SMC6: variants seen among roughly 807,000 people sequenced by gnomAD.
SMC6 encodes structural maintenance of chromosomes protein 6.
Under a neutral mutation model 142.2 loss-of-function variants are expected in SMC6, and 79 were observed. The ratio of observed to expected loss-of-function variants is 0.56; its 90% CI spans 0.46 to 0.67. The LOEUF is 0.67. Ranked by LOEUF, SMC6 falls within the 30% of genes least tolerant of loss-of-function variation. The pLI is 0.00. For synonymous variants in SMC6, 411 were observed against 412.4 expected (o/e 1.00, Z 0.04); for missense variants, 1,072 against 1,284.0 (o/e 0.83, Z 2.52).
At chr2:17,699,237 G>A (rs1249311072) in intron 21 of SMC6, among the ~76,000 whole-genome samples, 1 of 151,434 alleles carries the variant, frequency 6.6e-6, no homozygotes, top group East Asian at 1.9e-4. Context: ...AATATTTTTG[G>A]TGGACACAGG....
At chr2:17,734,456 G>T (rs1159018409) in intron 5 of SMC6, among the ~76,000 whole-genome samples, 1 of 152,062 alleles carries the variant, frequency 6.6e-6, no homozygotes, top group Non-Finnish European at 1.5e-5. Flanking sequence ...GAGAACCACT[G>T]AAGTATGAGG....
At chr2:17,697,542 AT>A (rs1668063272) in intron 21 of SMC6, among the ~76,000 whole-genome samples, 1 of 152,134 alleles carries the variant, frequency 6.6e-6, no homozygotes, top group Admixed American at 6.5e-5. Context: ...ACGGGCAAAG[AT>A]TTAAAAAGAC....
chr2:17,670,872 T>G (rs1045543366), intron 25 of SMC6, among the ~76,000 whole-genome samples: 5 of 152,148 alleles, frequency 3.3e-5, no homozygotes, highest in Admixed American at 1.3e-4. Context: ...AAAACAATTT[T>G]TTTTCTGAAA....
At chr2:17,722,678 T>C (rs971249803) in intron 9 of SMC6, among the ~76,000 whole-genome samples, 1 of 152,210 alleles carries the variant, frequency 6.6e-6, no homozygotes, top group Non-Finnish European at 1.5e-5. Flanking sequence ...TGTCAATTCA[T>C]GTAGTGTCGG....
Position 17,678,961 on chromosome 2 carries a change from A to G in SMC6, c.2808T>C (p.Cys936=). ...AGTATAATTTGCATCGTAAAGTCAA[A>G]CACCTTGAAATTTAAAAATTAGGCA... is the stretch of plus-strand genomic sequence containing the variant. ...RFKTYQQFRR[C]LTLRCKLYFD... is the part of the protein sequence containing the mutation. The change falls in exon 25 of 28, where the codon TGT becomes TGC. Residue 936 remains cysteine, a synonymous_variant. Transcript: ENST00000448223. The G allele has an allele frequency of 6.2e-7, 1 of 1,607,112 alleles. No individual in the cohort carries two copies. The highest frequency in any genetic ancestry group is 8.5e-7 in the Non-Finnish European group (1 of 1,176,344).
chr2:17,735,255 A>G (rs1169574756), intron 5 of SMC6, among the ~76,000 whole-genome samples: 1 of 152,176 alleles, frequency 6.6e-6, no homozygotes. Context: ...ATGAGTGAAA[A>G]GAGAGACTAT....
At chr2:17,669,282 T>C (rs1572239930) in intron 26 of SMC6, among the ~76,000 whole-genome samples, 3 of 152,170 alleles carry the variant, frequency 2.0e-5, no homozygotes, top group Admixed American at 1.3e-4. Context: ...GAATTTCAGA[T>C]ATTGGTGGTT....
chr2:17,690,002 T>C (rs953896227), intron 23 of SMC6, among the ~76,000 whole-genome samples: 1 of 152,202 alleles, frequency 6.6e-6, no homozygotes. Context: ...TCTATGGCAA[T>C]TGGATCTAGG....
chr2:17,739,736 C>A (rs1487742251), intron 4 of SMC6, among the ~76,000 whole-genome samples: 1 of 151,820 alleles, frequency 6.6e-6, no homozygotes, highest in Non-Finnish European at 1.5e-5. Context: ...TAGCTTGAGC[C>A]CAGGAGTTCA....
At chr2:17,683,113 G>C (rs1667305764) in intron 24 of SMC6, among the ~76,000 whole-genome samples, 1 of 152,034 alleles carries the variant, frequency 6.6e-6, no homozygotes, top group African/African-American at 2.4e-5. Context: ...CTGTGAGTCT[G>C]TACATCTCTG....
chr2:17,686,100 G>C (rs915739380), intron 23 of SMC6, among the ~76,000 whole-genome samples: 2 of 152,080 alleles, frequency 1.3e-5, no homozygotes, highest in East Asian at 1.9e-4. Flanking sequence ...ATTACAAAGC[G>C]TAACTATACA....
intron 23 of SMC6, among the ~76,000 whole-genome samples, chr2:17,692,244 C>T (rs1371502332): frequency 6.6e-6 from 1 of 152,164 alleles, no homozygotes; most frequent in African/African-American, 2.4e-5. Context: ...GCCCGCGTTG[C>T]CAAGTCAATC....
chr2:17,688,825 T>G (rs772285535), intron 23 of SMC6, among the ~76,000 whole-genome samples: 8 of 152,168 alleles, frequency 5.3e-5, no homozygotes, highest in Non-Finnish European at 1.2e-4. Flanking sequence ...CAAAGGCAAG[T>G]AAATAAATTA....
chr2:17,703,149 T>C lies in SMC6; in HGVS notation c.2142+8A>G. On this transcript the variant is annotated splice_region_variant and intron_variant, in intron 19 of 27. Coordinates refer to ENST00000448223, the MANE Select transcript of SMC6 (RefSeq NM_001142286.2). ...ACAAAAGAAGGTTTATTATTATTAT[T>C]TTTTTACCTTTAGTTCTTTATAATG... The C allele has an allele frequency of 7.4e-7, 1 of 1,347,002 alleles. No individual in the cohort carries two copies. The highest frequency in any genetic ancestry group is 1.0e-6 in the Non-Finnish European group (1 of 980,702). The allele number at this position is 1,347,002 out of a possible 1,614,324, so 83.4% of individuals were successfully genotyped here. A position where few individuals can be genotyped will look rare whatever the true frequency, so the allele number is the denominator to read the frequency against.
At chr2:17,711,038 G>A (rs1668802023) in intron 16 of SMC6, among the ~76,000 whole-genome samples, 2 of 152,178 alleles carry the variant, frequency 1.3e-5, no homozygotes, top group African/African-American at 4.8e-5. Flanking sequence ...GGGAGTAGGA[G>A]TCTAAGAGGG....
At position 17,726,087 on chromosome 2, in the gene SMC6, TAAAAAAAAAAAAAAAAAAAAA is replaced by T. The variant is rs35471536; in HGVS notation, c.624+281_624+301del. Among the ~76,000 whole-genome samples the T allele has an allele frequency of 6.2e-4, 34 of 54,968 alleles. 1 individual carries two copies. The highest frequency in any genetic ancestry group is 3.1e-3 in the African/African-American group (34 of 11,034). The allele number at this position is 54,968 out of a possible 152,430, so 36.1% of individuals were successfully genotyped here. On this transcript the variant is annotated intron_variant, in intron 8 of 27. Transcript: ENST00000448223. ...TGGAAGACAGAGCAAGGCTCTGTCT[TAAAAAAAAAAAAAAAAAAAAA>T]AAAAAAGATTTACAAGTTATTATGT... is the stretch of plus-strand genomic sequence containing the variant.
intron 23 of SMC6, among the ~76,000 whole-genome samples, chr2:17,687,374 G>A (rs1667505471): frequency 6.6e-6 from 1 of 152,116 alleles, no homozygotes; most frequent in Non-Finnish European, 1.5e-5. Context: ...AATAAACTAT[G>A]GTACAGATCA....
chr2:17,693,223 A>G (rs1273390624), intron 23 of SMC6, among the ~76,000 whole-genome samples: 1 of 152,164 alleles, frequency 6.6e-6, no homozygotes, highest in East Asian at 1.9e-4. Context: ...AGGATTATAA[A>G]ACATGCTGCT....
chr2:17,740,335 T>C (rs911162615), intron 4 of SMC6, among the ~76,000 whole-genome samples: 1 of 152,166 alleles, frequency 6.6e-6, no homozygotes, highest in Non-Finnish European at 1.5e-5. Flanking sequence ...GAGCTACACA[T>C]AACCTAGCTT....
Sources: allele counts gnomAD v4.1 joint callset (sites outside exome capture counted in the v4.1 genomes callset), GRCh38; gene constraint gnomAD v4.1.1; transcripts MANE v1.5; gene names NCBI Gene and HGNC (gene_info 2026-07-23, HGNC 2026-07-21).